Variants in CASD1 observed in about 807,000 individuals in gnomAD.
CASD1 encodes the protein CAS1 domain sialic acid O acetyltransferase 1.
In CASD1, 41 loss-of-function variants were observed where a neutral mutation model predicts 100.0. The observed-to-expected ratio is 0.41, with a 90% confidence interval of 0.32 to 0.53. CASD1 has a LOEUF of 0.53. CASD1 is among the 20% of genes least tolerant of loss of function. The pLI is 0.25. For missense variants in CASD1, 774 were observed against 948.7 expected (o/e 0.82, Z 2.42); for synonymous variants, 321 against 315.6 (o/e 1.02, Z -0.18).
chr7:94,529,357 T>C (rs1160790091), intron 5 of CASD1, among the ~76,000 whole-genome samples: 1 of 152,174 alleles, frequency 6.6e-6, no homozygotes, highest in Non-Finnish European at 1.5e-5. Flanking sequence ...CCTGGAGATA[T>C]ATTACATAAC....
the CASD1 span, among the ~76,000 whole-genome samples, chr7:94,565,902 T>A: frequency 6.6e-6 from 1 of 152,222 alleles, no homozygotes; most frequent in East Asian, 1.9e-4. Flanking sequence ...GTCAGAGAAT[T>A]GGGTAAGAAG....
At chr7:94,510,242 G>C (rs927540363) in intron 1 of CASD1, 25 bp downstream of exon 1, 5 of 1,444,562 alleles carry the variant, frequency 3.5e-6, no homozygotes, top group South Asian at 2.7e-5. Flanking sequence ...CCCTCTGCCC[G>C]GGCAGGCCGT....
chr7:94,626,516 G>A, the CASD1 span: 1 of 151,806 alleles, frequency 6.6e-6, no homozygotes, highest in African/African-American at 2.4e-5. Context: ...TTTTAAAAAC[G>A]TGTATTTTCT....
At chr7:94,546,067 C>T (rs1269529693) in intron 12 of CASD1, among the ~76,000 whole-genome samples, 6 of 151,844 alleles carry the variant, frequency 4.0e-5, no homozygotes, top group African/African-American at 1.5e-4. Flanking sequence ...CTCCATGCCC[C>T]TATGTTTTGC....
the CASD1 span, chr7:94,603,183 A>C: frequency 4.7e-6 from 4 of 848,094 alleles, no homozygotes; most frequent in African/African-American, 1.7e-5. Flanking sequence ...AACTGCAGTT[A>C]AAGTAAACCT....
intron 1 of CASD1, among the ~76,000 whole-genome samples, chr7:94,512,506 T>G (rs1322015129): frequency 6.6e-6 from 1 of 152,200 alleles, no homozygotes. Flanking sequence ...ATCTCTTGCT[T>G]TACAAACTAC....
chr7:94,552,538 C>T (rs1420115034), intron 16 of CASD1, 111 bp downstream of exon 16: 2 of 729,868 alleles, frequency 2.7e-6, no homozygotes, highest in East Asian at 2.7e-5. Flanking sequence ...GAAGTTACTT[C>T]ATCTTTCTAA....
rs1333044547 is a variant in CASD1 at position 94,510,093 on chromosome 7, T to C, written c.9T>C (p.Ala3=). Residue 3 remains alanine (A), a synonymous_variant, in exon 1 of 18, where the codon GCT becomes GCC. Coordinates refer to ENST00000297273, the MANE Select transcript of CASD1 (RefSeq NM_022900.5). MA[A]LAYNLGKREI... Reference sequence around the variant, plus strand: ...GTCATGGAGGAACCAAGATGGCGGCTCTGGCCTACAACCTGGGCAAGCGGG... The same window carrying C: ...GTCATGGAGGAACCAAGATGGCGGCCCTGGCCTACAACCTGGGCAAGCGGG... 3 of 1,523,410 alleles carry C rather than the reference T, an allele frequency of 2.0e-6. No individual in the cohort carries two copies. Among genetic ancestry groups the C allele is most frequent in the Non-Finnish European group, 2.6e-6 (3 of 1,133,612 alleles). The allele number at this position is 1,523,410 out of a possible 1,614,324, so 94.4% of individuals were successfully genotyped here. A position where few individuals can be genotyped will look rare whatever the true frequency, so the allele number is the denominator to read the frequency against.
chr7:94,551,633 A>G (rs550818475), intron 15 of CASD1, 155 bp downstream of exon 15: 6 of 296,256 alleles, frequency 2.0e-5, no homozygotes, highest in Admixed American at 1.0e-4. Flanking sequence ...CCAGTAATTG[A>G]TAGGATAGCT....
At chr7:94,512,292 G>A (rs1793750158) in intron 1 of CASD1, among the ~76,000 whole-genome samples, 1 of 152,202 alleles carries the variant, frequency 6.6e-6, no homozygotes, top group Admixed American at 6.5e-5. Flanking sequence ...ATCATTTAAA[G>A]AAGGTTTACG....
At position 94,510,115 on chromosome 7, in the gene CASD1, C is replaced by G; in HGVS notation, c.31C>G (p.Arg11Gly). MAALAYNLGK[R>G]EINHYFSVRS... ...GGCTCTGGCCTACAACCTGGGCAAG[C>G]GGGAGATCAACCACTACTTCAGCGT... Residue 11 changes from arginine to glycine, a missense_variant, in exon 1 of 18, where the codon CGG (arginine) becomes GGG (glycine). By Grantham distance (125) the Arg-to-Gly change is moderately radical (BLOSUM62 -2). Coordinates refer to ENST00000297273, the MANE Select transcript of CASD1 (RefSeq NM_022900.5). The G allele has an allele frequency of 6.5e-7, 1 of 1,529,812 alleles. No individual in the cohort carries two copies. Among genetic ancestry groups the G allele is most frequent in the Non-Finnish European group, 8.8e-7 (1 of 1,137,058 alleles). 94.8% of individuals were successfully genotyped at this position (1,529,812 alleles called of 1,614,324 possible). A position where few individuals can be genotyped will look rare whatever the true frequency, so the allele number is the denominator to read the frequency against.
At position 94,551,323 on chromosome 7, in the gene CASD1, C is replaced by G. The variant is rs780443565; in HGVS notation, c.1816-15C>G. ...AGTAACTGTTTAAAACAAATTTTCT[C>G]TCTTTACTTTTCAGGTAGTTTTCCA... On this transcript the variant is annotated splice_polypyrimidine_tract_variant and intron_variant, in intron 14 of 17. Coordinates refer to ENST00000297273, the MANE Select transcript of CASD1 (RefSeq NM_022900.5). 6.5e-7 allele frequency: 1 copy of G among 1,529,056 alleles called. No homozygotes were observed. The highest frequency in any genetic ancestry group is 1.3e-5 in the South Asian group (1 of 75,290). 94.7% of individuals were successfully genotyped at this position (1,529,056 alleles called of 1,614,324 possible).
chr7:94,620,117 A>G, the CASD1 span: 2 of 152,314 alleles, frequency 1.3e-5, no homozygotes, highest in African/African-American at 4.8e-5. Context: ...TATCTGTAAG[A>G]TATTCCACTT....
chr7:94,592,659 ATAAG>A, the CASD1 span, among the ~76,000 whole-genome samples: 2 of 152,142 alleles, frequency 1.3e-5, no homozygotes, highest in Admixed American at 6.6e-5. Flanking sequence ...AAATTAATAA[ATAAG>A]TGAGTTGGGG....
chr7:94,630,850 C>T, the CASD1 span, among the ~76,000 whole-genome samples: 1 of 151,940 alleles, frequency 6.6e-6, no homozygotes, highest in Admixed American at 6.6e-5. Flanking sequence ...AGGCTGCTCA[C>T]TCCAAGCTCA....
At chr7:94,569,842 C>G in the CASD1 span, among the ~76,000 whole-genome samples, 1 of 149,720 alleles carries the variant, frequency 6.7e-6, no homozygotes, top group Non-Finnish European at 1.5e-5. Flanking sequence ...GAGACAGAGT[C>G]TTACTCTGTC....
chr7:94,581,011 C>T, the CASD1 span, among the ~76,000 whole-genome samples: 1 of 152,144 alleles, frequency 6.6e-6, no homozygotes, highest in Non-Finnish European at 1.5e-5. Flanking sequence ...TTGCCAGAAT[C>T]CCATAAGGAA....
At chr7:94,568,980 T>A in the CASD1 span, among the ~76,000 whole-genome samples, 2 of 152,116 alleles carry the variant, frequency 1.3e-5, no homozygotes, top group Admixed American at 1.3e-4. Context: ...GCAGCCCAAA[T>A]GGACTAAGAG....
chr7:94,534,862 A>G (rs1392455032), intron 7 of CASD1, among the ~76,000 whole-genome samples: 1 of 152,174 alleles, frequency 6.6e-6, no homozygotes, highest in Non-Finnish European at 1.5e-5. Flanking sequence ...TTGAGCCTCA[A>G]TAATATTACC....
Sources: allele counts gnomAD v4.1 joint callset (sites outside exome capture counted in the v4.1 genomes callset), GRCh38; gene constraint gnomAD v4.1.1; transcripts MANE v1.5; gene names NCBI Gene and HGNC (gene_info 2026-07-23, HGNC 2026-07-21).